Variants in CSMD1 observed in about 807,000 individuals in gnomAD.
CSMD1 encodes the protein CUB and sushi domain-containing protein 1.
A neutral mutation model predicts 417.5 loss-of-function variants in CSMD1; 213 were observed. The ratio of observed to expected loss-of-function variants is 0.51; its 90% confidence interval spans 0.46 to 0.57. CSMD1 has a LOEUF of 0.57. Ranked by LOEUF, CSMD1 falls within the 20% of genes least tolerant of loss-of-function variation. The pLI, the probability that CSMD1 is intolerant of heterozygous loss-of-function variation, is 0.00. For synonymous variants in CSMD1, 2,862 were observed against 1,736.8 expected (o/e 1.65, Z -16.11); for missense variants, 6,923 against 4,529.7 (o/e 1.53, Z -15.17).
At chr8:3,737,698 C>T (rs189991936) in intron 6 of CSMD1, among the ~76,000 whole-genome samples, 246 of 152,266 alleles carry the variant, frequency 1.6e-3, no homozygotes, top group African/African-American at 4.6e-3. Context: ...CTTGTCTTCA[C>T]GTTTCTGACT....
At chr8:4,762,016 C>T (rs555703929) in intron 1 of CSMD1, among the ~76,000 whole-genome samples, 4 of 151,746 alleles carry the variant, frequency 2.6e-5, no homozygotes, top group Admixed American at 6.6e-5. Context: ...TCAATTACAA[C>T]TTTTAATATA....
At chr8:4,196,180 C>G (rs1179300707) in intron 3 of CSMD1, among the ~76,000 whole-genome samples, 1 of 152,082 alleles carries the variant, frequency 6.6e-6, no homozygotes, top group Non-Finnish European at 1.5e-5. Context: ...CACTGCACTC[C>G]AGCCTGGGCG....
chr8:4,257,994 T>C (rs1585111212), intron 3 of CSMD1, among the ~76,000 whole-genome samples: 1 of 152,178 alleles, frequency 6.6e-6, no homozygotes, highest in South Asian at 2.1e-4. Flanking sequence ...TATCATAGAA[T>C]AAGTGGATTA....
intron 1 of CSMD1, among the ~76,000 whole-genome samples, chr8:4,668,808 C>G (rs866659369): frequency 6.6e-6 from 1 of 152,128 alleles, no homozygotes. Flanking sequence ...GCTCAACATT[C>G]TCCATGATTT....
At chr8:4,823,429 C>T (rs1563500982) in intron 1 of CSMD1, among the ~76,000 whole-genome samples, 1 of 151,860 alleles carries the variant, frequency 6.6e-6, no homozygotes, top group Non-Finnish European at 1.5e-5. Context: ...GCTACATAAC[C>T]TTAGTTTCCT....
At chr8:4,175,682 C>G (rs1438586551) in intron 3 of CSMD1, among the ~76,000 whole-genome samples, 2 of 152,108 alleles carry the variant, frequency 1.3e-5, no homozygotes, top group Non-Finnish European at 2.9e-5. Context: ...ACTACATATA[C>G]ATAATGTCCT....
At chr8:3,149,774 T>C (rs1020150779) in intron 40 of CSMD1, among the ~76,000 whole-genome samples, 1 of 152,082 alleles carries the variant, frequency 6.6e-6, no homozygotes, top group South Asian at 2.1e-4. Context: ...CACCATAACC[T>C]TATGTGGGTA....
At chr8:3,310,717 C>T (rs1051698995) in intron 23 of CSMD1, among the ~76,000 whole-genome samples, 1 of 151,386 alleles carries the variant, frequency 6.6e-6, no homozygotes, top group Non-Finnish European at 1.5e-5. Flanking sequence ...GCCGCCCATG[C>T]TAACAGGGCA....
At chr8:4,546,633 T>C (rs927597291) in intron 2 of CSMD1, among the ~76,000 whole-genome samples, 4 of 152,216 alleles carry the variant, frequency 2.6e-5, no homozygotes, top group Non-Finnish European at 5.9e-5. Flanking sequence ...CTCAGGACTT[T>C]GGCCTTGGCT....
chr8:4,130,992 C>T (rs1301066181), intron 3 of CSMD1, among the ~76,000 whole-genome samples: 1 of 152,094 alleles, frequency 6.6e-6, no homozygotes, highest in Non-Finnish European at 1.5e-5. Flanking sequence ...AAAAGTCTCT[C>T]CCTGCTGTTG....
intron 10 of CSMD1, among the ~76,000 whole-genome samples, chr8:3,573,512 C>A (rs182212749): frequency 2.6e-5 from 4 of 152,182 alleles, no homozygotes; most frequent in Non-Finnish European, 5.9e-5. Context: ...AAGCCTGCAA[C>A]GCCCTGGAGT....
intron 3 of CSMD1, among the ~76,000 whole-genome samples, chr8:4,358,420 A>C (rs1345061325): frequency 6.6e-6 from 1 of 152,210 alleles, no homozygotes; most frequent in Non-Finnish European, 1.5e-5. Flanking sequence ...AAAATATATG[A>C]AATTCAAATT....
At chr8:4,047,283 G>A (rs1208666335) in intron 3 of CSMD1, among the ~76,000 whole-genome samples, 7 of 152,096 alleles carry the variant, frequency 4.6e-5, no homozygotes, top group Non-Finnish European at 1.0e-4. Context: ...GTGGGAGGAA[G>A]GGAGGAAGGA....
chr8:4,085,804 C>T (rs1800388379), intron 3 of CSMD1, among the ~76,000 whole-genome samples: 1 of 152,118 alleles, frequency 6.6e-6, no homozygotes. Context: ...ATAAAGACAC[C>T]ATGAAGCTTC....
chr8:3,598,612 C>A (rs926249887), intron 8 of CSMD1, among the ~76,000 whole-genome samples: 11 of 152,094 alleles, frequency 7.2e-5, no homozygotes, highest in African/African-American at 2.7e-4. Flanking sequence ...TGTCCTCATC[C>A]CAAGAGCTCA....
At chr8:4,639,085 T>A (rs1803034205) in intron 1 of CSMD1, among the ~76,000 whole-genome samples, 1 of 152,104 alleles carries the variant, frequency 6.6e-6, no homozygotes, top group African/African-American at 2.4e-5. Flanking sequence ...CTGAAATGCC[T>A]GCCTTGTCAG....
chr8:3,297,348 G>A (rs946820921), intron 25 of CSMD1, among the ~76,000 whole-genome samples: 2 of 152,158 alleles, frequency 1.3e-5, no homozygotes, highest in Non-Finnish European at 2.9e-5. Flanking sequence ...TGGAAGTGCA[G>A]AAGGCCAAGA....
rs560231484 is a variant in CSMD1, at chr8:3,754,636, C to G, written c.819-594G>C. On this transcript the variant is annotated intron_variant, in intron 5 of 69. Transcript: ENST00000635120. Reference sequence around the variant, plus strand: ...TGCCTGGCTACTTTTTATATTTTTACTAGAGACAAGGTTTTGCCGTGTTGG... The same window carrying G: ...TGCCTGGCTACTTTTTATATTTTTAGTAGAGACAAGGTTTTGCCGTGTTGG... Among the ~76,000 whole-genome samples the G allele has an allele frequency of 2.6e-5, 4 of 152,152 alleles. 1 individual carries two copies. The South Asian group carries it at 8.3e-4, about 32-fold the overall frequency.
At chr8:3,657,388 T>C (rs1006825805) in intron 7 of CSMD1, among the ~76,000 whole-genome samples, 7 of 151,952 alleles carry the variant, frequency 4.6e-5, no homozygotes, top group African/African-American at 1.7e-4. Context: ...TAAAACTGTA[T>C]GGTATCAAAG....
Sources: allele counts gnomAD v4.1 joint callset (sites outside exome capture counted in the v4.1 genomes callset), GRCh38; gene constraint gnomAD v4.1.1; transcripts MANE v1.5; gene names NCBI Gene and HGNC (gene_info 2026-07-23, HGNC 2026-07-21).